ENG: variants seen among roughly 807,000 people sequenced by gnomAD.
ENG encodes the protein endoglin, also known as CD105 antigen.
In ENG, 17 loss-of-function variants were observed where a neutral mutation model predicts 71.0. The ratio of observed to expected loss-of-function variants is 0.24; its 90% confidence interval spans 0.16 to 0.36. ENG has a LOEUF of 0.36. Among genes scored for constraint, ENG ranks in the 10% least tolerant of loss-of-function variants. The pLI is 1.00. For synonymous variants in ENG, 360 were observed against 366.9 expected (o/e 0.98, Z 0.21); for missense variants, 749 against 868.3 (o/e 0.86, Z 1.73).
chr9:127,834,697 C>A (rs1830854535), intron 2 of ENG, among the ~76,000 whole-genome samples: 1 of 151,862 alleles, frequency 6.6e-6, no homozygotes, highest in Non-Finnish European at 1.5e-5. Flanking sequence ...GCCACCACGC[C>A]CAGCCTAATT....
At chr9:127,828,935 A>G (rs1830694432) in intron 3 of ENG, among the ~76,000 whole-genome samples, 1 of 151,846 alleles carries the variant, frequency 6.6e-6, no homozygotes, top group African/African-American at 2.4e-5. Context: ...AGCTGCTCAC[A>G]TCTGGGGGCC....
intron 6 of ENG, 84 bp from the exon 7 acceptor site, chr9:127,825,058 G>GA: frequency 6.3e-7 from 1 of 1,583,176 alleles, no homozygotes; most frequent in Non-Finnish European, 8.6e-7. Flanking sequence ...GCCAGGCCTC[G>GA]GTCCTGCTGT....
intron 3 of ENG, among the ~76,000 whole-genome samples, chr9:127,827,371 C>T (rs1008209889): frequency 1.3e-5 from 2 of 152,216 alleles, no homozygotes; most frequent in Non-Finnish European, 2.9e-5. Context: ...AGGAGCCAGA[C>T]AGATCTCCTG....
chr9:127,825,300 G>C lies in ENG; in HGVS notation c.747C>G (p.Ala249=). ...ELSCAPGDLD[A]VLILQGPPYV... ...AGGGGGGACCCTGCAGGATGAGGAC[G>C]GCATCGAGATCCCCGGGTGCGCAGC... The change falls in exon 6 of 15, where the codon GCC becomes GCG. Residue 249 remains alanine (A), a synonymous_variant. Coordinates refer to ENST00000373203, the MANE Select transcript of ENG (RefSeq NM_001114753.3). 2.5e-6 allele frequency: 4 copies of C among 1,611,516 alleles called. No individual in the cohort carries two copies. The highest frequency in any genetic ancestry group is 3.4e-6 in the Non-Finnish European group (4 of 1,179,544).
chr9:127,830,647 CAA>C (rs551686778), intron 2 of ENG, among the ~76,000 whole-genome samples: 1 of 126,504 alleles, frequency 7.9e-6, no homozygotes. Context: ...CGCTCCGTCT[CAA>C]AAAAAAAAAC....
rs1353246859 is a variant in ENG at position 127,818,306 on chromosome 9, C to T, written c.1500G>A (p.Glu500=). 1.2e-6 allele frequency: 2 copies of T among 1,613,984 alleles called. No homozygotes were observed. Among genetic ancestry groups the T allele is most frequent in the East Asian group, 2.2e-5 (1 of 44,896 alleles). The change falls in exon 12 of 15, where the codon GAG becomes GAA. Residue 500 remains glutamate (E), a synonymous_variant. Transcript: ENST00000373203. ...CCTGGATGAGTTCCACGGTGCCTCC[C>T]TCAGGCCCCAAGTCCAGGTGGCAGC... ...LDSCHLDLGP[E]GGTVELIQGR...
intron 13 of ENG, chr9:127,816,397 T>C: frequency 2.4e-6 from 1 of 414,644 alleles, no homozygotes; most frequent in South Asian, 2.1e-5. Context: ...CTGCATGACC[T>C]TGGGTCAACC....
intron 3 of ENG, chr9:127,827,040 T>G (rs867523815): frequency 5.6e-5 from 17 of 301,742 alleles, no homozygotes; most frequent in African/African-American, 3.2e-4. Context: ...GGGGGCAACG[T>G]CTACCTTGCC....
Position 127,815,588 on chromosome 9 carries a change from G to A in ENG, c.*94C>T, listed in dbSNP as rs914218873. On this transcript the variant is annotated 3_prime_UTR_variant, in exon 15 of 15. Transcript: ENST00000373203. ...CGGAGAGCAGGCTCCATTCTGGGTC[G>A]AGTGGAGGACTGGCTCCCAGGGTGA... is the stretch of plus-strand genomic sequence containing the variant. The A allele has an allele frequency of 7.3e-6, 11 of 1,499,196 alleles. 1 individual carries two copies. In the East Asian group the frequency reaches 1.5e-4, roughly 20 times the overall value. 92.9% of individuals were successfully genotyped at this position (1,499,196 alleles called of 1,614,324 possible). A position where few individuals can be genotyped will look rare whatever the true frequency, so the allele number is the denominator to read the frequency against.
At chr9:127,821,129 G>C (rs889085441) in intron 8 of ENG, 1 of 151,836 alleles carries the variant, frequency 6.6e-6, no homozygotes, top group African/African-American at 2.4e-5. Flanking sequence ...TGCACTGCCG[G>C]TCATATAAAA....
rs1831181063 is a variant in ENG, at chr9:127,846,936, T to TCA, written c.68-3693_68-3692dup. 1 of 985,540 alleles carries TCA rather than the reference T, an allele frequency of 1.0e-6. No homozygotes were observed. Among genetic ancestry groups the TCA allele is most frequent in the Non-Finnish European group, 1.2e-6 (1 of 830,046 alleles). The allele number at this position is 985,540 out of a possible 1,614,324, so 61.0% of individuals were successfully genotyped here. On this transcript the variant is annotated intron_variant, in intron 1 of 14. Coordinates refer to ENST00000373203, the MANE Select transcript of ENG (RefSeq NM_001114753.3). The surrounding 1 kb of genome is among the most constrained non-coding windows in gnomAD (Gnocchi z 5.5). ...CTCCCAGATTTCCAGAGGGCTACCT[T>TCA]CAGCACCTTGGAGGATGATCAAGAA...
chr9:127,818,916 G>T (rs993917697), intron 10 of ENG, 84 bp from the exon 11 acceptor site: 36 of 1,194,484 alleles, frequency 3.0e-5, no homozygotes, highest in Middle Eastern at 2.6e-4. Flanking sequence ...CAGGCATCAT[G>T]GCCCTGTGGA....
At chr9:127,825,636 G>GA in intron 5 of ENG, 59 bp downstream of exon 5, 2 of 1,338,964 alleles carry the variant, frequency 1.5e-6, no homozygotes, top group Non-Finnish European at 2.0e-6. Context: ...GGCGGGGGGG[G>GA]TCAGGGGGGT....
At chr9:127,827,329 T>C (rs1340791260) in intron 3 of ENG, 3 of 152,386 alleles carry the variant, frequency 2.0e-5, no homozygotes, top group African/African-American at 2.4e-5. Flanking sequence ...TTTGAAACAA[T>C]AGAAGACAGA....
chr9:127,826,745 G>A (rs771992758), intron 3 of ENG, 73 bp from the exon 4 acceptor site: 483 of 1,580,548 alleles, frequency 3.1e-4, no homozygotes, highest in Middle Eastern at 4.4e-4. Context: ...AGGAGGTCAG[G>A]AAGTAATTTG....
intron 1 of ENG, among the ~76,000 whole-genome samples, chr9:127,845,848 A>G (rs918284627): frequency 6.6e-6 from 1 of 152,146 alleles, no homozygotes; most frequent in African/African-American, 2.4e-5. Flanking sequence ...TTGGGACTAC[A>G]GTTGTGCGCC....
chr9:127,854,379 G>T lies in ENG; in HGVS notation c.-24C>A. On this transcript the variant is annotated 5_prime_UTR_variant, in exon 1 of 15. Transcript: ENST00000373203. ...ATGCTGTCCACGTGGGGGCCTGTGCGCTGGGCCTTATCCTGTGTCCAGTGG... is the reference window on the plus strand; with the variant it reads ...ATGCTGTCCACGTGGGGGCCTGTGCTCTGGGCCTTATCCTGTGTCCAGTGG... 1 of 1,570,548 alleles carries T rather than the reference G, an allele frequency of 6.4e-7. No individual in the cohort carries two copies. The highest frequency in any genetic ancestry group is 1.4e-5 in the African/African-American group (1 of 73,878).
At chr9:127,815,890 C>G in intron 14 of ENG, 53 bp downstream of exon 14, 3 of 1,568,516 alleles carry the variant, frequency 1.9e-6, no homozygotes, top group Non-Finnish European at 2.6e-6. Flanking sequence ...CTGGGCTCCC[C>G]CGGGTGGATG....
intron 1 of ENG, among the ~76,000 whole-genome samples, chr9:127,844,369 C>T (rs1227487017): frequency 3.3e-5 from 5 of 151,418 alleles, no homozygotes; most frequent in African/African-American, 9.7e-5. Context: ...TCAGGTGATC[C>T]GCCTGCCTTG....
Sources: allele counts gnomAD v4.1 joint callset (sites outside exome capture counted in the v4.1 genomes callset), GRCh38; gene constraint gnomAD v4.1.1; non-coding constraint Gnocchi (gnomAD v3.1); transcripts MANE v1.5; gene names NCBI Gene and HGNC (gene_info 2026-07-23, HGNC 2026-07-21).